PTPN4: variants seen among roughly 807,000 people sequenced by gnomAD.
The protein encoded by PTPN4 is protein tyrosine phosphatase non-receptor type 4, also known as tyrosine-protein phosphatase non-receptor type 4.
In PTPN4, 49 loss-of-function variants were observed where a neutral mutation model predicts 135.5. The ratio of observed to expected loss-of-function variants is 0.36; its 90% confidence interval spans 0.29 to 0.46. The LOEUF is 0.46. Ranked by LOEUF, PTPN4 falls within the 20% of genes least tolerant of loss-of-function variation. The probability of loss-of-function intolerance (pLI) is 1.00; values close to 1 mark genes in which losing one functional copy is unlikely to be tolerated. For missense variants in PTPN4, 860 were observed against 1,101.0 expected, an observed-to-expected ratio of 0.78 and a Z score of 3.10; for synonymous variants, 333 against 369.9, an observed-to-expected ratio of 0.90 and a Z score of 1.14.
At chr2:119,842,771 TG>T (rs1192912566) in intron 2 of PTPN4, among the ~76,000 whole-genome samples, 1 of 152,202 alleles carries the variant, frequency 6.6e-6, no homozygotes, top group Non-Finnish European at 1.5e-5. Flanking sequence ...CTTCTCTAAC[TG>T]TGGTACAATA....
chr2:119,924,166 T>C (rs1451702971), intron 12 of PTPN4, among the ~76,000 whole-genome samples: 1 of 148,814 alleles, frequency 6.7e-6, no homozygotes, highest in African/African-American at 2.5e-5. Flanking sequence ...AGCAAGGGAC[T>C]AGTGGGAGGA....
At chr2:119,903,747 A>T (rs1164889237) in intron 10 of PTPN4, among the ~76,000 whole-genome samples, 2 of 152,030 alleles carry the variant, frequency 1.3e-5, no homozygotes, top group Non-Finnish European at 2.9e-5. Flanking sequence ...TGCTGACACC[A>T]TGCATACCAC....
At chr2:119,817,862 C>T (rs764644161) in intron 2 of PTPN4, among the ~76,000 whole-genome samples, 1 of 151,938 alleles carries the variant, frequency 6.6e-6, no homozygotes, top group Non-Finnish European at 1.5e-5. Flanking sequence ...TTGTAGTTTT[C>T]CTTGCAGAGA....
chr2:119,836,851 C>T (rs1376267880), intron 2 of PTPN4, among the ~76,000 whole-genome samples: 12 of 152,230 alleles, frequency 7.9e-5, no homozygotes. Flanking sequence ...CCTTCTGCCT[C>T]GGCCCCCTCT....
At chr2:119,903,662 C>T (rs1678441876) in intron 10 of PTPN4, among the ~76,000 whole-genome samples, 1 of 152,054 alleles carries the variant, frequency 6.6e-6, no homozygotes, top group Admixed American at 6.5e-5. Flanking sequence ...CAGGGACTGG[C>T]TCGTCCACCC....
At chr2:119,850,261 A>G (rs963746883) in intron 2 of PTPN4, among the ~76,000 whole-genome samples, 4 of 151,748 alleles carry the variant, frequency 2.6e-5, no homozygotes, top group Non-Finnish European at 5.9e-5. Flanking sequence ...TTGGAGTGAA[A>G]CTCCTGCCTT....
At chr2:119,857,820 G>A (rs994570792) in intron 2 of PTPN4, among the ~76,000 whole-genome samples, 6 of 152,116 alleles carry the variant, frequency 3.9e-5, no homozygotes, top group African/African-American at 1.4e-4. Context: ...AGCACTTGAA[G>A]TTTTTTTGTA....
At chr2:119,859,902 T>C (rs1014329226) in intron 2 of PTPN4, among the ~76,000 whole-genome samples, 1 of 152,208 alleles carries the variant, frequency 6.6e-6, no homozygotes, top group Non-Finnish European at 1.5e-5. Flanking sequence ...GTCAGGTTTC[T>C]GTCCTACCAC....
intron 10 of PTPN4, among the ~76,000 whole-genome samples, chr2:119,905,737 T>C (rs976569024): frequency 6.6e-6 from 1 of 152,132 alleles, no homozygotes; most frequent in African/African-American, 2.4e-5. Context: ...CTCAAAAAAA[T>C]TTTTAAATAG....
chr2:119,814,289 A>G (rs976496333), intron 2 of PTPN4, among the ~76,000 whole-genome samples: 1 of 152,204 alleles, frequency 6.6e-6, no homozygotes, highest in African/African-American at 2.4e-5. Flanking sequence ...TACAGGCAGT[A>G]TAATCTGCCT....
intron 26 of PTPN4, among the ~76,000 whole-genome samples, chr2:119,969,492 A>G (rs536197153): frequency 3.7e-4 from 56 of 151,944 alleles, no homozygotes; most frequent in African/African-American, 1.2e-3. Flanking sequence ...CTAAAAGATA[A>G]GGATTGATTT....
intron 26 of PTPN4, among the ~76,000 whole-genome samples, chr2:119,975,917 T>C (rs969429698): frequency 1.3e-5 from 2 of 151,958 alleles, no homozygotes; most frequent in African/African-American, 4.8e-5. Flanking sequence ...CTAGTCTCTG[T>C]CCCTCTCCTG....
At chr2:119,805,330 AT>A (rs1167125845) in intron 1 of PTPN4, among the ~76,000 whole-genome samples, 1 of 152,010 alleles carries the variant, frequency 6.6e-6, no homozygotes, top group Non-Finnish European at 1.5e-5. Context: ...TGTTTTTGCC[AT>A]TGCTTTTGGT....
intron 23 of PTPN4, among the ~76,000 whole-genome samples, chr2:119,961,676 A>G (rs1679368424): frequency 6.6e-6 from 1 of 152,254 alleles, no homozygotes; most frequent in Non-Finnish European, 1.5e-5. Context: ...AAAATGTGGT[A>G]TAGTCTTATG....
At chr2:119,965,120 A>G (rs1679427197) in intron 24 of PTPN4, among the ~76,000 whole-genome samples, 1 of 152,150 alleles carries the variant, frequency 6.6e-6, no homozygotes, top group Admixed American at 6.6e-5. Context: ...CAGGAGGTGC[A>G]TTCTTTGGTG....
At chr2:119,927,470 A>T (rs1054228281) in intron 13 of PTPN4, among the ~76,000 whole-genome samples, 1 of 152,216 alleles carries the variant, frequency 6.6e-6, no homozygotes, top group African/African-American at 2.4e-5. Context: ...TTTAGAAAAT[A>T]GTATTATGAG....
At chr2:119,933,454 G>A (rs1678934905) in intron 14 of PTPN4, among the ~76,000 whole-genome samples, 1 of 152,024 alleles carries the variant, frequency 6.6e-6, no homozygotes, top group African/African-American at 2.4e-5. Context: ...CAAAGTGTGT[G>A]GATTCCTTAA....
chr2:119,801,026 C>T (rs971089142), intron 1 of PTPN4, among the ~76,000 whole-genome samples: 2 of 151,820 alleles, frequency 1.3e-5, no homozygotes, highest in African/African-American at 2.4e-5. Context: ...TAGTTACTCC[C>T]ACTTTAGTCT....
chr2:119,961,080 G>T, intron 23 of PTPN4, 127 bp downstream of exon 23: 5 of 1,164,168 alleles, frequency 4.3e-6, no homozygotes, highest in Non-Finnish European at 5.9e-6. Flanking sequence ...GTGGTTTCTT[G>T]TTTTAAATCA....
Sources: gnomAD v4.1 joint callset for allele counts (sites outside exome capture counted in the v4.1 genomes callset) on GRCh38, gnomAD v4.1.1 for gene constraint, MANE v1.5 for transcripts, NCBI Gene and HGNC (gene_info 2026-07-23, HGNC 2026-07-21) for gene names.